The following IRX2 variants were observed in gnomAD, a reference collection of about 807,000 sequenced individuals.
IRX2 encodes iroquois homeobox 2.
A neutral mutation model predicts 42.9 loss-of-function variants in IRX2; 26 were observed. The ratio of observed to expected loss-of-function variants is 0.61; its 90% confidence interval spans 0.44 to 0.84. IRX2 has a LOEUF of 0.84. Ranked by LOEUF, IRX2 falls within the 40% of genes least tolerant of loss-of-function variation. IRX2 has a pLI of 0.00. For synonymous variants in IRX2, 424 were observed against 353.9 expected (o/e 1.20, Z -2.22); for missense variants, 782 against 713.9 (o/e 1.10, Z -1.09).
the IRX2 span, among the ~76,000 whole-genome samples, chr5:2,739,257 A>C: frequency 6.6e-6 from 1 of 152,316 alleles, no homozygotes; most frequent in South Asian, 2.1e-4. Flanking sequence ...CGTGCGCCCA[A>C]GGGGCGTCCC....
At chr5:2,742,106 C>T (rs1737557633), downstream of IRX2, among the ~76,000 whole-genome samples, 1 of 152,120 alleles carries the variant, frequency 6.6e-6, no homozygotes, top group African/African-American at 2.4e-5. Flanking sequence ...ACAGAGGTGC[C>T]GGTTGAGGCC....
At chr5:2,743,168 G>A (rs1037952134), downstream of IRX2, among the ~76,000 whole-genome samples, 1 of 152,174 alleles carries the variant, frequency 6.6e-6, no homozygotes, top group African/African-American at 2.4e-5. Flanking sequence ...TGGCTACCCT[G>A]AGCCCAGGCC....
Position 2,749,763 on chromosome 5 carries a change from T to C in IRX2, c.274A>G (p.Thr92Ala), listed in dbSNP as rs757140200. Residue 92 changes from threonine to alanine, a missense_variant, in exon 2 of 4, where the codon ACC becomes GCC. Transcript: ENST00000302057. ...TAGCTGATGGCGCCGGTCATGCCGG[T>C]GGTGTGCGCGTCGTAGGGTGCGCCC... ...YMGAPYDAHT[T>A]GMTGAISYHP... 3.1e-6 allele frequency: 5 copies of C among 1,610,268 alleles called. No homozygotes were observed. Among genetic ancestry groups the C allele is most frequent in the Non-Finnish European group, 4.2e-6 (5 of 1,178,084 alleles).
chr5:2,746,028 T>C (rs1378633491), downstream of IRX2: 5 of 151,788 alleles, frequency 3.3e-5, no homozygotes, highest in East Asian at 1.9e-4. Context: ...TTTTTTTTTT[T>C]CAATGCTCAG....
At chr5:2,743,755 C>G (rs1164000675), downstream of IRX2, among the ~76,000 whole-genome samples, 8 of 152,072 alleles carry the variant, frequency 5.3e-5, no homozygotes, top group African/African-American at 1.9e-4. Flanking sequence ...TGAAAGATAT[C>G]TCTCTCTTTC....
rs142498512 is a variant in IRX2, at chr5:2,748,029, G to A, written c.1363+316C>T. ...TTAACAAGACACCGAAACACACCCA[G>A]GCTCATTAGGGCGACACGCTGTAAT... On this transcript the variant is annotated intron_variant, in intron 3 of 3. Transcript: ENST00000302057. 2.2e-3 allele frequency among the ~76,000 whole-genome samples: 331 copies of A among 152,268 alleles called. 2 individuals carry two copies. The highest frequency in any genetic ancestry group is 7.7e-3 in the African/African-American group (318 of 41,562).
downstream of IRX2, among the ~76,000 whole-genome samples, chr5:2,745,122 A>G (rs766100391): frequency 1.3e-5 from 2 of 152,208 alleles, no homozygotes; most frequent in Admixed American, 6.5e-5. Context: ...AAATTGTTCA[A>G]TATCAGCCCA....
chr5:2,749,448 T>C lies in IRX2; in HGVS notation c.589A>G (p.Thr197Ala). 2.5e-6 allele frequency: 4 copies of C among 1,614,076 alleles called. No homozygotes were observed. Among genetic ancestry groups the C allele is most frequent in the Non-Finnish European group, 3.4e-6 (4 of 1,179,990 alleles). ...TCGGGACTCTCGTCCTTGCTTCTGG[T>C]AGCGTCGCCCTCGTCCTCGTCCTCA... Reference protein sequence around the residue: ...EDEDEDEGDATRSKDESPDKA... With the variant: ...EDEDEDEGDAARSKDESPDKA... Residue 197 changes from threonine (T) to alanine (A), a missense_variant, in exon 2 of 4, where the codon ACC (threonine) becomes GCC (alanine). Physicochemically the swap from Thr to Ala is moderately conservative, Grantham distance 58. Transcript: ENST00000302057.
At chr5:2,743,830 C>G (rs1737598826), downstream of IRX2, among the ~76,000 whole-genome samples, 1 of 152,224 alleles carries the variant, frequency 6.6e-6, no homozygotes, top group African/African-American at 2.4e-5. Flanking sequence ...ATAAATCACT[C>G]TACATTTCTT....
At chr5:2,739,920 AGGACCAGGAAGG>A in the IRX2 span, among the ~76,000 whole-genome samples, 13 of 152,242 alleles carry the variant, frequency 8.5e-5, no homozygotes, top group Admixed American at 2.0e-4. Context: ...GGTATAGGGT[AGGACCAGGAAGG>A]GGACTGAAGC....
rs143088733 is a variant in IRX2, at chr5:2,748,567, G to A, written c.1141C>T (p.Pro381Ser). ...PYPASPLLGR[P>S]LYYTSPFYGN... ...TAGAAGGGCGACGTGTAGTAGAGGG[G>A]GCGGCCCAGCAGCGGCGAGGCAGGG... The change falls in exon 3 of 4, where the codon CCC becomes TCC. Residue 381 changes from proline to serine, a missense_variant. By Grantham distance (74) the Pro-to-Ser change is moderately conservative. Transcript: ENST00000302057. 7 of 1,566,900 alleles carry A rather than the reference G, an allele frequency of 4.5e-6. No individual in the cohort carries two copies. The highest frequency in any genetic ancestry group is 6.0e-6 in the Non-Finnish European group (7 of 1,158,934).
chr5:2,740,618 C>G, the IRX2 span, among the ~76,000 whole-genome samples: 2 of 152,200 alleles, frequency 1.3e-5, no homozygotes, highest in Non-Finnish European at 2.9e-5. Flanking sequence ...GGCCTGGAAC[C>G]AACCCTGGGT....
In IRX2 at chr5:2,749,557, C is replaced by G; in HGVS notation, c.480G>C (p.Gln160His). 1 of 1,614,228 alleles carries G rather than the reference C, an allele frequency of 6.2e-7. No homozygotes were observed. Among genetic ancestry groups the G allele is most frequent in the Non-Finnish European group, 8.5e-7 (1 of 1,180,044 alleles). Residue 160 changes from glutamine (Q) to histidine (H), a missense_variant, in exon 2 of 4, where the codon CAG becomes CAC. By Grantham distance (24) the Gln-to-His change is conservative. Coordinates refer to ENST00000302057, the MANE Select transcript of IRX2 (RefSeq NM_033267.5). ...LAIITKMTLT[Q>H]VSTWFANARR... is the part of the protein sequence containing the mutation. ...GCGCGTTGGCGAACCAGGTGGAGAC[C>G]TGGGTGAGGGTCATCTTGGTGATGA... is the stretch of plus-strand genomic sequence containing the variant.
At position 2,748,978 on chromosome 5, in the gene IRX2, G is replaced by C. The variant is rs368240882; in HGVS notation, c.730C>G (p.Arg244Gly). ...AESDGEKLPC[R>G]AGDPLCESGS... The stretch of plus-strand genomic sequence containing the variant: ...GATTCGCACAGGGGGTCCCCGGCGC[G>C]GCACGGAAGCTTCTCCCCGTCCGAC... Residue 244 changes from arginine to glycine, a missense_variant, in exon 3 of 4, where the codon CGC becomes GGC. Coordinates refer to ENST00000302057, the MANE Select transcript of IRX2 (RefSeq NM_033267.5). 1.9e-6 allele frequency: 3 copies of C among 1,597,226 alleles called. No individual in the cohort carries two copies. The highest frequency in any genetic ancestry group is 1.7e-5 in the Admixed American group (1 of 59,946).
At chr5:2,741,568 G>T (rs1257655486), downstream of IRX2, among the ~76,000 whole-genome samples, 2 of 151,762 alleles carry the variant, frequency 1.3e-5, no homozygotes, top group Admixed American at 6.5e-5. Context: ...TACCAGATCA[G>T]ATAAATGAAA....
At chr5:2,749,835 G>A (rs1270380382) in intron 1 of IRX2, 48 bp from the exon 2 acceptor site, 4 of 1,529,618 alleles carry the variant, frequency 2.6e-6, no homozygotes, top group Non-Finnish European at 3.5e-6. Context: ...GACCCCGCGG[G>A]CAACCAGCCA....
chr5:2,749,316 CTTAG>C (rs930930923), intron 2 of IRX2, 62 bp downstream of exon 2: 1 of 1,532,890 alleles, frequency 6.5e-7, no homozygotes, highest in African/African-American at 1.4e-5. Context: ...TCCTCCCCGC[CTTAG>C]CTCTGCGCCC....
chr5:2,749,196 G>C (rs2111448205), intron 2 of IRX2, 144 bp from the exon 3 acceptor site: 4 of 1,462,454 alleles, frequency 2.7e-6, no homozygotes, highest in Non-Finnish European at 2.7e-6. Context: ...GGCGGAGCCT[G>C]ACCTCCCCGG....
rs1421841140 is a variant in IRX2, at chr5:2,751,195, G to GGCC, written c.218_219insGGC (p.Ala77dup). On this transcript the variant is annotated inframe_insertion, in exon 1 of 4. Coordinates refer to ENST00000302057, the MANE Select transcript of IRX2 (RefSeq NM_033267.5). The surrounding 1 kb of genome is among the most constrained non-coding windows in gnomAD (Gnocchi z 4.0). ...AGGACGGGAAGCCGGCGGCGGCGGC[G>GGCC]GCGGCGTCGGCCGAGTACTGCAGCG... is the stretch of plus-strand genomic sequence containing the variant. 1.6e-6 allele frequency: 2 copies of GGCC among 1,271,268 alleles called. No homozygotes were observed. The highest frequency in any genetic ancestry group is 3.1e-5 in the African/African-American group (2 of 63,526). The allele number at this position is 1,271,268 out of a possible 1,614,324, so 78.7% of individuals were successfully genotyped here. A position where few individuals can be genotyped will look rare whatever the true frequency, so the allele number is the denominator to read the frequency against.
Sources: gnomAD v4.1 joint callset for allele counts (sites outside exome capture counted in the v4.1 genomes callset) on GRCh38, gnomAD v4.1.1 for gene constraint, Gnocchi (gnomAD v3.1) non-coding constraint, MANE v1.5 for transcripts, NCBI Gene and HGNC (gene_info 2026-07-23, HGNC 2026-07-21) for gene names.